Variants in ARMC2 observed in about 807,000 individuals in gnomAD.
ARMC2 encodes armadillo repeat containing 2, also known as armadillo repeat-containing protein 2.
ARMC2 carries 67 observed loss-of-function variants against 90.3 expected under a neutral mutation model. The observed-to-expected ratio is 0.74, with a 90% CI of 0.61 to 0.91. ARMC2 has a LOEUF of 0.91. ARMC2 is among the 40% of genes least tolerant of loss of function. ARMC2 has a pLI of 0.00. For missense variants in ARMC2, 920 were observed against 1,030.9 expected, an observed-to-expected ratio of 0.89 and a Z score of 1.47; for synonymous variants, 393 against 393.0, an observed-to-expected ratio of 1.00 and a Z score of 0.00.
chr6:109,052,054 G>A, the ARMC2 span, among the ~76,000 whole-genome samples: 1 of 152,162 alleles, frequency 6.6e-6, no homozygotes, highest in South Asian at 2.1e-4. Flanking sequence ...AAAAGTAATT[G>A]AGGTTTTTGC....
the ARMC2 span, among the ~76,000 whole-genome samples, chr6:109,006,405 T>C: frequency 2.6e-5 from 4 of 152,022 alleles, no homozygotes; most frequent in Admixed American, 2.6e-4. Flanking sequence ...CCCATTAACT[T>C]GTCATTTACA....
chr6:109,029,699 A>AT, the ARMC2 span, among the ~76,000 whole-genome samples: 1 of 151,842 alleles, frequency 6.6e-6, no homozygotes, highest in Admixed American at 6.6e-5. Flanking sequence ...ACACCCAGCT[A>AT]TTTTTTTATT....
chr6:109,008,990 C>T, the ARMC2 span: 1 of 1,015,998 alleles, frequency 9.8e-7, no homozygotes, highest in South Asian at 4.6e-5. Context: ...GCTGTTTCAC[C>T]CTCAAGACTC....
intron 8 of ARMC2, chr6:108,907,590 G>A (rs561629410): frequency 5.9e-6 from 9 of 1,536,652 alleles, no homozygotes; most frequent in African/African-American, 5.5e-5. Context: ...GGGGTGGGGG[G>A]GTGCAGAGCG....
chr6:108,989,454 T>C, the ARMC2 span, among the ~76,000 whole-genome samples: 41 of 151,114 alleles, frequency 2.7e-4, no homozygotes, highest in East Asian at 7.8e-3. Flanking sequence ...TACATCTCTA[T>C]ATCTAGAGAT....
intron 10 of ARMC2, among the ~76,000 whole-genome samples, chr6:108,915,893 G>A (rs1207786622): frequency 1.3e-5 from 2 of 152,160 alleles, no homozygotes; most frequent in Non-Finnish European, 2.9e-5. Context: ...AGACCAAATA[G>A]CTGAAAAGTG....
chr6:108,994,488 C>T, the ARMC2 span: 1 of 1,612,746 alleles, frequency 6.2e-7, no homozygotes, highest in Non-Finnish European at 8.5e-7. Context: ...CATACTCTCT[C>T]TTTTTTCTAT....
chr6:108,937,637 C>T (rs938806738), intron 12 of ARMC2, among the ~76,000 whole-genome samples: 1 of 152,150 alleles, frequency 6.6e-6, no homozygotes, highest in African/African-American at 2.4e-5. Context: ...AAAGGAAGAA[C>T]TTACAAACGA....
chr6:109,039,585 C>T, the ARMC2 span, among the ~76,000 whole-genome samples: 1 of 152,200 alleles, frequency 6.6e-6, no homozygotes. Context: ...ATAAGCACTA[C>T]TAAAACATCT....
the ARMC2 span, chr6:109,009,374 G>GC: frequency 6.8e-7 from 1 of 1,467,640 alleles, no homozygotes; most frequent in Non-Finnish European, 9.0e-7. Context: ...CCTGGTCGCG[G>GC]CCCCCGCCGC....
chr6:109,024,806 G>A, the ARMC2 span, among the ~76,000 whole-genome samples: 188 of 152,312 alleles, frequency 1.2e-3, 1 homozygote, highest in African/African-American at 4.0e-3. Flanking sequence ...TGTGAGTATC[G>A]TACTACTTTC....
At chr6:109,043,548 C>G in the ARMC2 span, among the ~76,000 whole-genome samples, 1 of 152,030 alleles carries the variant, frequency 6.6e-6, no homozygotes, top group African/African-American at 2.4e-5. Context: ...AGTTAATATA[C>G]AAGAGTGAAT....
At chr6:108,998,007 A>G in the ARMC2 span, among the ~76,000 whole-genome samples, 2 of 152,226 alleles carry the variant, frequency 1.3e-5, no homozygotes. Flanking sequence ...ATCACCTTCT[A>G]TATTGGTGCA....
chr6:108,874,436 G>A (rs766123613), intron 4 of ARMC2, among the ~76,000 whole-genome samples: 2 of 152,162 alleles, frequency 1.3e-5, no homozygotes, highest in African/African-American at 2.4e-5. Flanking sequence ...ATAACGGTAG[G>A]CTAAAAATAC....
chr6:108,908,161 T>C (rs990202136), intron 8 of ARMC2, among the ~76,000 whole-genome samples: 2 of 152,094 alleles, frequency 1.3e-5, no homozygotes, highest in Non-Finnish European at 2.9e-5. Context: ...AGATTCTGCA[T>C]TCCTAATACA....
rs118117932 is a variant in ARMC2, at chr6:108,899,182, G to T, written c.749-512G>T. Among the ~76,000 whole-genome samples, 94 of 152,160 alleles carry T rather than the reference G, an allele frequency of 6.2e-4. No homozygotes were observed. The East Asian group carries it at 0.017, about 28-fold the overall frequency. On this transcript the variant is annotated intron_variant, in intron 6 of 17. Coordinates refer to ENST00000392644, the MANE Select transcript of ARMC2 (RefSeq NM_032131.6). Reference sequence around the variant, plus strand: ...ATTTGAATTGAGATTTGTCAGCCCCGAAGGCCCAGGCTTTTCTGCTACACC... The same window carrying T: ...ATTTGAATTGAGATTTGTCAGCCCCTAAGGCCCAGGCTTTTCTGCTACACC...
chr6:109,048,200 T>C, the ARMC2 span, among the ~76,000 whole-genome samples: 37 of 152,300 alleles, frequency 2.4e-4, no homozygotes, highest in African/African-American at 6.7e-4. Context: ...CCTTAATCTT[T>C]TGTCTTCCAA....
intron 12 of ARMC2, among the ~76,000 whole-genome samples, chr6:108,941,012 C>T (rs1221960894): frequency 6.6e-6 from 1 of 152,152 alleles, no homozygotes; most frequent in Non-Finnish European, 1.5e-5. Flanking sequence ...GTCCTAGCTA[C>T]TTAGAAGGCT....
chr6:108,997,413 TAACATG>T, the ARMC2 span, among the ~76,000 whole-genome samples: 35 of 152,344 alleles, frequency 2.3e-4, no homozygotes, highest in Non-Finnish European at 4.3e-4. Flanking sequence ...TGCAGGCCTA[TAACATG>T]AATCTAGGCA....
Sources: gnomAD v4.1 joint callset for allele counts (sites outside exome capture counted in the v4.1 genomes callset) on GRCh38, gnomAD v4.1.1 for gene constraint, MANE v1.5 for transcripts, NCBI Gene and HGNC (gene_info 2026-07-23, HGNC 2026-07-21) for gene names.